RHPN2: variants seen among roughly 807,000 people sequenced by gnomAD.
RHPN2 encodes rhophilin Rho GTPase binding protein 2, also known as rhophilin-2.
A neutral mutation model predicts 79.0 loss-of-function variants in RHPN2; 40 were observed. That is an observed-to-expected ratio of 0.51 (90% CI 0.39 to 0.66). The LOEUF is 0.66. Among genes scored for constraint, RHPN2 ranks in the 30% least tolerant of loss-of-function variants. The pLI, the probability that RHPN2 is intolerant of heterozygous loss-of-function variation, is 0.00. For synonymous variants in RHPN2, 285 were observed against 363.5 expected (o/e 0.78, Z 2.46); for missense variants, 686 against 883.5 (o/e 0.78, Z 2.83).
chr19:33,006,155 C>T (rs1464418864), intron 7 of RHPN2, among the ~76,000 whole-genome samples: 3 of 151,950 alleles, frequency 2.0e-5, no homozygotes, highest in Non-Finnish European at 2.9e-5. Flanking sequence ...GCTGGGATTA[C>T]AGGCATGAGC....
chr19:33,058,369 G>A (rs757362174), intron 1 of RHPN2, among the ~76,000 whole-genome samples: 5 of 152,192 alleles, frequency 3.3e-5, no homozygotes, highest in Non-Finnish European at 5.9e-5. Context: ...AATCCTTTTC[G>A]GATGAATGGA....
In RHPN2 at chr19:33,044,516, C is replaced by T. The variant is rs891068796; in HGVS notation, c.70-152G>A. The T allele has an allele frequency of 7.4e-6, 5 of 675,508 alleles. No individual in the cohort carries two copies. In the African/African-American group the frequency reaches 9.0e-5, roughly 12 times the overall value. 41.8% of individuals were successfully genotyped at this position (675,508 alleles called of 1,614,324 possible). ...AATATTGAAAAGTATAAAGAAAAGT[C>T]GCTCATAACAACACAATTGCAAAAC... On this transcript the variant is annotated intron_variant, in intron 1 of 14. Coordinates refer to ENST00000254260, the MANE Select transcript of RHPN2 (RefSeq NM_033103.5).
intron 2 of RHPN2, among the ~76,000 whole-genome samples, chr19:33,029,661 G>A (rs747517409): frequency 1.3e-5 from 2 of 152,210 alleles, no homozygotes; most frequent in East Asian, 1.9e-4. Context: ...AACAAATAGC[G>A]CTAAAGCAGG....
At chr19:33,023,437 GAAAAAAAAAA>G (rs751212140) in intron 3 of RHPN2, among the ~76,000 whole-genome samples, 1 of 77,786 alleles carries the variant, frequency 1.3e-5, no homozygotes, top group Non-Finnish European at 2.6e-5. Flanking sequence ...TCCATCTCAG[GAAAAAAAAAA>G]AAAAAGAAAA....
intron 1 of RHPN2, among the ~76,000 whole-genome samples, chr19:33,056,097 C>CT (rs59904014): frequency 0.16 from 22,836 of 142,500 alleles, 1,974 homozygotes; most frequent in East Asian, 0.35. Context: ...CTTTTCTTTT[C>CT]TTTTTTTTTT....
intron 9 of RHPN2, among the ~76,000 whole-genome samples, chr19:33,001,957 T>A (rs1971751938): frequency 6.6e-6 from 1 of 152,210 alleles, no homozygotes; most frequent in Non-Finnish European, 1.5e-5. Flanking sequence ...CTTATCTTGA[T>A]GCCAGCATTT....
In RHPN2 at chr19:33,008,060, C is replaced by A. The variant is rs201568092; in HGVS notation, c.714G>T (p.Thr238=). ...CTATGGCACTCTCCAGCCCAGCCTG[C>A]GTCTGCCGATCACACCGGGTCCCAA... is the stretch of plus-strand genomic sequence containing the variant. ...TQIGTRCDRQ[T]QAGLESAIDA... The change falls in exon 7 of 15, where the codon ACG becomes ACT. Residue 238 remains threonine, a synonymous_variant. Transcript: ENST00000254260. 10 of 1,613,314 alleles carry A rather than the reference C, an allele frequency of 6.2e-6. No individual in the cohort carries two copies. The highest frequency in any genetic ancestry group is 7.6e-6 in the Non-Finnish European group (9 of 1,179,958).
intron 13 of RHPN2, 51 bp from the exon 14 acceptor site, chr19:32,990,720 T>C: frequency 1.2e-6 from 2 of 1,608,068 alleles, no homozygotes; most frequent in Non-Finnish European, 1.7e-6. Flanking sequence ...CTCAAATCCT[T>C]GAATCAGTCC....
intron 2 of RHPN2, among the ~76,000 whole-genome samples, chr19:33,035,722 G>A (rs1441996788): frequency 6.6e-6 from 1 of 152,092 alleles, no homozygotes; most frequent in Non-Finnish European, 1.5e-5. Flanking sequence ...TACAGTAAAG[G>A]GAACAAATTA....
intron 10 of RHPN2, among the ~76,000 whole-genome samples, chr19:32,997,217 G>A (rs552655345): frequency 2.0e-5 from 3 of 152,270 alleles, no homozygotes; most frequent in South Asian, 2.1e-4. Flanking sequence ...CCTTCAATGC[G>A]TATGTAATAA....
At chr19:32,981,510 GAAA>G (rs201890754) in intron 14 of RHPN2, among the ~76,000 whole-genome samples, 3 of 131,160 alleles carry the variant, frequency 2.3e-5, no homozygotes, top group South Asian at 5.0e-4. Flanking sequence ...CAAGGGAAGG[GAAA>G]AAAAAAAAAA....
intron 9 of RHPN2, among the ~76,000 whole-genome samples, chr19:33,000,607 C>T (rs909839953): frequency 2.0e-4 from 30 of 152,228 alleles, no homozygotes; most frequent in African/African-American, 7.0e-4. Context: ...CTGTCATGCC[C>T]GGCCTGCACC....
At position 33,026,610 on chromosome 19, in the gene RHPN2, G is replaced by A. The variant is rs751789809; in HGVS notation, c.208C>T (p.Arg70Trp). ...CTCAGCTCCAGCCGCACTTGCTCCC[G>A]CACCTTTGAGTTTGTGGCCACTCTG... ...LLKVATNSKV[R>W]EQVRLELSFV... The change falls in exon 3 of 15, where the codon CGG (arginine) becomes TGG (tryptophan). Residue 70 changes from arginine to tryptophan, a missense_variant. Coordinates refer to ENST00000254260, the MANE Select transcript of RHPN2 (RefSeq NM_033103.5). The A allele has an allele frequency of 7.5e-6, 12 of 1,607,602 alleles. No individual in the cohort carries two copies. The highest frequency in any genetic ancestry group is 3.3e-5 in the South Asian group (3 of 91,054).
At chr19:32,996,595 G>C in intron 10 of RHPN2, 3 of 332,604 alleles carry the variant, frequency 9.0e-6, no homozygotes, top group South Asian at 5.9e-5. Context: ...CTTAGTGATA[G>C]TTTAAGCCCC....
intron 1 of RHPN2, among the ~76,000 whole-genome samples, chr19:33,062,797 AATAATAATT>A (rs1194532602): frequency 7.8e-6 from 1 of 128,312 alleles, no homozygotes; most frequent in African/African-American, 3.0e-5. Context: ...TAATAATAAT[AATAATAATT>A]AATAAATGAA....
chr19:33,045,981 C>T (rs1348373658), intron 1 of RHPN2, among the ~76,000 whole-genome samples: 1 of 152,146 alleles, frequency 6.6e-6, no homozygotes, highest in Admixed American at 6.5e-5. Flanking sequence ...CTTTCATTTG[C>T]CATGATGTTC....
At chr19:33,048,491 T>C (rs10417240) in intron 1 of RHPN2, among the ~76,000 whole-genome samples, 50,484 of 149,564 alleles carry the variant, frequency 0.34, 9,603 homozygotes, top group South Asian at 0.55. Flanking sequence ...TTTGGGAGGC[T>C]GAGGCGGGTA....
At chr19:33,005,729 A>C (rs1437858894) in intron 7 of RHPN2, among the ~76,000 whole-genome samples, 2 of 151,706 alleles carry the variant, frequency 1.3e-5, no homozygotes. Context: ...TTTCGTCTAT[A>C]GTTTGTCTCC....
chr19:33,056,440 C>T (rs898162670), intron 1 of RHPN2, among the ~76,000 whole-genome samples: 1 of 152,102 alleles, frequency 6.6e-6, no homozygotes, highest in Admixed American at 6.6e-5. Flanking sequence ...ATGGCCACAA[C>T]AGATTTTCCT....
Sources: gnomAD v4.1 joint callset for allele counts (sites outside exome capture counted in the v4.1 genomes callset) on GRCh38, gnomAD v4.1.1 for gene constraint, MANE v1.5 for transcripts, NCBI Gene and HGNC (gene_info 2026-07-23, HGNC 2026-07-21) for gene names.